ATL2: variants seen among roughly 807,000 people sequenced by gnomAD.
ATL2 encodes atlastin-2.
Under a neutral mutation model 73.9 loss-of-function variants are expected in ATL2, and 31 were observed. The ratio of observed to expected loss-of-function variants is 0.42; its 90% CI spans 0.32 to 0.57. The LOEUF is 0.57. Ranked by LOEUF, ATL2 falls within the 20% of genes least tolerant of loss-of-function variation. The probability of loss-of-function intolerance (pLI) is 0.14; values close to 1 mark genes in which losing one functional copy is unlikely to be tolerated. For missense variants in ATL2, 738 were observed against 702.6 expected, an observed-to-expected ratio of 1.05 and a Z score of -0.57; for synonymous variants, 291 against 237.5, an observed-to-expected ratio of 1.23 and a Z score of -2.07.
At chr2:38,338,769 C>T (rs564879869) in intron 2 of ATL2, among the ~76,000 whole-genome samples, 3 of 152,242 alleles carry the variant, frequency 2.0e-5, no homozygotes, top group Non-Finnish European at 2.9e-5. Context: ...AGCAGTACCA[C>T]GTGACTATAC....
chr2:38,345,581 T>A (rs1669972520), intron 1 of ATL2, among the ~76,000 whole-genome samples: 1 of 151,994 alleles, frequency 6.6e-6, no homozygotes, highest in Non-Finnish European at 1.5e-5. Flanking sequence ...CAATATTTAG[T>A]TAAAGGGGAC....
chr2:38,364,976 G>A (rs531507158), intron 1 of ATL2, among the ~76,000 whole-genome samples: 8 of 151,906 alleles, frequency 5.3e-5, no homozygotes, highest in African/African-American at 1.4e-4. Context: ...CCCGGGAGGC[G>A]GAGCTTGCAG....
At chr2:38,359,021 AT>A (rs1454111834) in intron 1 of ATL2, among the ~76,000 whole-genome samples, 1 of 152,224 alleles carries the variant, frequency 6.6e-6, no homozygotes, top group Non-Finnish European at 1.5e-5. Context: ...TTTCTCTCAT[AT>A]AAAATTAGAA....
chr2:38,367,866 C>G (rs1018208074), intron 1 of ATL2, among the ~76,000 whole-genome samples: 3 of 151,486 alleles, frequency 2.0e-5, no homozygotes, highest in East Asian at 2.0e-4. Context: ...CTTCTGACCT[C>G]AGGTGATCCT....
intron 1 of ATL2, among the ~76,000 whole-genome samples, chr2:38,353,237 G>A (rs545131353): frequency 6.6e-6 from 1 of 152,014 alleles, no homozygotes; most frequent in East Asian, 1.9e-4. Flanking sequence ...TAGATGAGGA[G>A]TCTCAGCCAA....
At chr2:38,352,150 A>AC (rs1241430894) in intron 1 of ATL2, among the ~76,000 whole-genome samples, 1 of 149,438 alleles carries the variant, frequency 6.7e-6, no homozygotes, top group African/African-American at 2.4e-5. Flanking sequence ...AAAAAAAAAA[A>AC]AAAAAAAAAA....
chr2:38,353,277 G>A (rs1257390163), intron 1 of ATL2, among the ~76,000 whole-genome samples: 1 of 152,028 alleles, frequency 6.6e-6, no homozygotes, highest in East Asian at 1.9e-4. Flanking sequence ...AAAAACAAAT[G>A]AAAATTCTAG....
upstream of ATL2, among the ~76,000 whole-genome samples, chr2:38,377,796 A>T (rs1478541985): frequency 8.4e-6 from 1 of 118,426 alleles, no homozygotes; most frequent in South Asian, 2.8e-4. Flanking sequence ...AGTTGTTGCC[A>T]GTGCCCTGCT....
intron 1 of ATL2, among the ~76,000 whole-genome samples, chr2:38,344,479 G>A (rs564747896): frequency 5.9e-4 from 90 of 152,150 alleles, no homozygotes; most frequent in South Asian, 1.7e-3. Flanking sequence ...GCATGGTAGC[G>A]GGCGCCTGTA....
Position 38,339,208 on chromosome 2 carries a change from A to G in ATL2, c.363+4060T>C, listed in dbSNP as rs150586680. Among the ~76,000 whole-genome samples the G allele has an allele frequency of 3.3e-3, 507 of 152,072 alleles. 1 individual carries two copies. The highest frequency in any genetic ancestry group is 0.01 in the African/African-American group (423 of 41,492). On this transcript the variant is annotated intron_variant, in intron 2 of 12. Coordinates refer to ENST00000378954, the MANE Select transcript of ATL2 (RefSeq NM_001135673.4). ...TCCAGCCTGGGCAACGAGGGAAACT[A>G]CGTCTCAAAAAAAAGTCAAGATCAT... is the stretch of plus-strand genomic sequence containing the variant.
At chr2:38,325,818 C>A (rs1668625225) in intron 2 of ATL2, among the ~76,000 whole-genome samples, 1 of 148,348 alleles carries the variant, frequency 6.7e-6, no homozygotes. Flanking sequence ...AGAGCTTTAT[C>A]TGACCCTAGG....
At chr2:38,353,868 T>C (rs796886229) in intron 1 of ATL2, among the ~76,000 whole-genome samples, 23 of 152,270 alleles carry the variant, frequency 1.5e-4, no homozygotes, top group African/African-American at 5.5e-4. Context: ...GAAACGATCA[T>C]TCAAAAATGA....
intron 2 of ATL2, among the ~76,000 whole-genome samples, chr2:38,342,186 C>G (rs1022847827): frequency 1.2e-4 from 18 of 151,724 alleles, no homozygotes; most frequent in Non-Finnish European, 1.3e-4. Context: ...TTGTCTGGTA[C>G]CATCTCAAAG....
Position 38,318,978 on chromosome 2 carries a change from T to C in ATL2, c.405A>G (p.Thr135=). Residue 135 remains threonine, a synonymous_variant, in exon 3 of 13, where the codon ACA becomes ACG. Coordinates refer to ENST00000378954, the MANE Select transcript of ATL2 (RefSeq NM_001135673.4). ...SWIGGNNEPL[T]GFTWRGGCER... is the part of the protein sequence containing the mutation. Reference sequence around the variant, plus strand: ...CACAGCCACCTCGCCATGTAAAGCCTGTCAATGGTTCATTGTTTCCACCAA... The same window carrying C: ...CACAGCCACCTCGCCATGTAAAGCCCGTCAATGGTTCATTGTTTCCACCAA... 6.2e-7 allele frequency: 1 copy of C among 1,614,016 alleles called. No individual in the cohort carries two copies. The highest frequency in any genetic ancestry group is 8.5e-7 in the Non-Finnish European group (1 of 1,179,922).
At chr2:38,328,234 C>G (rs933128915) in intron 2 of ATL2, among the ~76,000 whole-genome samples, 1 of 152,192 alleles carries the variant, frequency 6.6e-6, no homozygotes, top group Admixed American at 6.5e-5. Context: ...CACTATTATA[C>G]TGGGAGACCT....
intron 2 of ATL2, among the ~76,000 whole-genome samples, chr2:38,341,201 T>C (rs999593652): frequency 7.2e-5 from 11 of 152,202 alleles, no homozygotes; most frequent in African/African-American, 1.9e-4. Flanking sequence ...AGATACAATA[T>C]ACACAAGCTA....
intron 1 of ATL2, among the ~76,000 whole-genome samples, chr2:38,364,400 G>A (rs1366061965): frequency 6.6e-6 from 1 of 152,346 alleles, no homozygotes; most frequent in Middle Eastern, 3.4e-3. Context: ...TCAAAGTGAT[G>A]AGTAAGAAGT....
At chr2:38,322,241 A>C (rs1386776946) in intron 2 of ATL2, among the ~76,000 whole-genome samples, 3 of 152,310 alleles carry the variant, frequency 2.0e-5, no homozygotes, top group Non-Finnish European at 2.9e-5. Context: ...TAAAAGTTAC[A>C]GGCTACACAA....
At chr2:38,367,113 C>T (rs1316533478) in intron 1 of ATL2, among the ~76,000 whole-genome samples, 1 of 152,000 alleles carries the variant, frequency 6.6e-6, no homozygotes, top group East Asian at 1.9e-4. Context: ...AGCCACCGCA[C>T]ACAGCCAAGA....
Sources: allele counts gnomAD v4.1 joint callset (sites outside exome capture counted in the v4.1 genomes callset), GRCh38; gene constraint gnomAD v4.1.1; transcripts MANE v1.5; gene names NCBI Gene and HGNC (gene_info 2026-07-23, HGNC 2026-07-21).